HMCN1: variants seen among roughly 807,000 people sequenced by gnomAD.
The protein encoded by HMCN1 is hemicentin-1.
In HMCN1, 321 loss-of-function variants were observed where a neutral mutation model predicts 625.9. That is an observed-to-expected ratio of 0.51 (90% CI 0.47 to 0.56). The LOEUF (loss-of-function observed/expected upper bound fraction) is 0.56. HMCN1 is among the 20% of genes least tolerant of loss of function. The probability of loss-of-function intolerance (pLI) is 0.00; values close to 1 mark genes in which losing one functional copy is unlikely to be tolerated. For synonymous variants in HMCN1, 2,425 were observed against 2,417.6 expected (o/e 1.00, Z -0.09); for missense variants, 6,588 against 6,887.3 (o/e 0.96, Z 1.54).
intron 45 of HMCN1, 32 bp downstream of exon 45, chr1:186,055,706 A>T: frequency 6.2e-7 from 1 of 1,605,876 alleles, no homozygotes; most frequent in Admixed American, 1.7e-5. Flanking sequence ...ATGTCCATTC[A>T]CTGGCTAACG....
Position 185,922,453 on chromosome 1 carries a change from A to G in HMCN1, c.975A>G (p.Arg325=), listed in dbSNP as rs1319862202. ...TTGATTTCCGAGCTGGCTTTTCTCG[A>G]AAGCCCACCCTGGACTTCAAAAAAA... is the stretch of plus-strand genomic sequence containing the variant. ...STIDFRAGFS[R]KPTLDFKKTV... is the part of the protein sequence containing the mutation. Residue 325 remains arginine, a synonymous_variant, in exon 7 of 107, where the codon CGA becomes CGG. Coordinates refer to ENST00000271588, the MANE Select transcript of HMCN1 (RefSeq NM_031935.3). The G allele has an allele frequency of 6.2e-7, 1 of 1,613,928 alleles. No individual in the cohort carries two copies. The highest frequency in any genetic ancestry group is 1.3e-5 in the African/African-American group (1 of 75,018).
At chr1:185,918,507 G>T (rs1294305517) in intron 6 of HMCN1, among the ~76,000 whole-genome samples, 1 of 152,052 alleles carries the variant, frequency 6.6e-6, no homozygotes, top group East Asian at 1.9e-4. Flanking sequence ...AGTCTCCTTT[G>T]GCAACACCCT....
intron 48 of HMCN1, among the ~76,000 whole-genome samples, chr1:186,064,372 T>G (rs182488218): frequency 6.6e-6 from 1 of 152,124 alleles, no homozygotes; most frequent in African/African-American, 2.4e-5. Context: ...AATTAATATA[T>G]TTTTATCTCT....
intron 1 of HMCN1, among the ~76,000 whole-genome samples, chr1:185,741,921 GA>G (rs1654019590): frequency 1.3e-5 from 2 of 152,180 alleles, no homozygotes; most frequent in Admixed American, 1.3e-4. Context: ...GGCTAAAACT[GA>G]ACTTAGTTTT....
intron 1 of HMCN1, among the ~76,000 whole-genome samples, chr1:185,790,662 AG>A (rs1657925828): frequency 6.6e-6 from 1 of 152,204 alleles, no homozygotes; most frequent in African/African-American, 2.4e-5. Flanking sequence ...TTCCTTATGA[AG>A]GACTCTAAGC....
rs145591176 is a variant in HMCN1 at position 186,065,309 on chromosome 1, A to G, written c.7585A>G (p.Ile2529Val). 1.9e-6 allele frequency: 3 copies of G among 1,612,588 alleles called. No homozygotes were observed. The African/African-American group carries it at 4.0e-5, about 22-fold the overall frequency. ...PLQEDEAHHI[I>V]SGGRFLQITN... ...CCAAGAAGATGAAGCCCATCACATT[A>G]TATCTGGTGGCCGTTTTCTTCAAAT... The change falls in exon 49 of 107, where the codon ATA becomes GTA. Residue 2529 changes from isoleucine to valine, a missense_variant. Around this residue, in one of 3 missense-constraint regions of HMCN1, gnomAD observed 4,628 missense variants for 4,853.1 expected, o/e 0.95. Coordinates refer to ENST00000271588, the MANE Select transcript of HMCN1 (RefSeq NM_031935.3).
chr1:186,024,071 T>C (rs1350757997), intron 36 of HMCN1, among the ~76,000 whole-genome samples: 1 of 152,224 alleles, frequency 6.6e-6, no homozygotes, highest in Non-Finnish European at 1.5e-5. Flanking sequence ...GTTTCCAATA[T>C]ATCAATTTAT....
At chr1:185,819,442 A>T (rs1660052644) in intron 1 of HMCN1, among the ~76,000 whole-genome samples, 1 of 151,938 alleles carries the variant, frequency 6.6e-6, no homozygotes, top group Non-Finnish European at 1.5e-5. Flanking sequence ...CCTATTTATC[A>T]CTTTTTATTA....
rs959531357 is a variant in HMCN1 at position 186,128,176 on chromosome 1, T to C, written c.12789T>C (p.Thr4263=). ...CTGTGCATGTTCTCCCCACTTTTAC[T>C]GAACTTCCTGGAGACGTGTCATTAA... The part of the protein sequence containing the change: ...SLTVHVLPTF[T]ELPGDVSLNK... The change falls in exon 83 of 107, where the codon ACT becomes ACC. Residue 4263 remains threonine (T), a synonymous_variant. Transcript: ENST00000271588. The C allele has an allele frequency of 8.1e-6, 13 of 1,613,600 alleles. No individual in the cohort carries two copies. Among genetic ancestry groups the C allele is most frequent in the East Asian group, 2.2e-5 (1 of 44,870 alleles).
intron 80 of HMCN1, among the ~76,000 whole-genome samples, chr1:186,120,827 A>G (rs1182477469): frequency 6.6e-6 from 1 of 152,250 alleles, no homozygotes; most frequent in East Asian, 1.9e-4. Flanking sequence ...ATTGAACATT[A>G]CAGACATGAT....
chr1:186,068,891 A>G (rs1658309458), intron 50 of HMCN1, among the ~76,000 whole-genome samples: 1 of 139,704 alleles, frequency 7.2e-6, no homozygotes, highest in African/African-American at 2.7e-5. Context: ...AAAAAAAAAA[A>G]GACTTCAAAT....
intron 105 of HMCN1, among the ~76,000 whole-genome samples, chr1:186,186,460 G>A (rs1653310835): frequency 6.6e-6 from 1 of 152,174 alleles, no homozygotes; most frequent in Non-Finnish European, 1.5e-5. Context: ...CCAGGAGGCG[G>A]AGCTTGCAAT....
At chr1:185,927,873 T>C (rs1038900320) in intron 9 of HMCN1, among the ~76,000 whole-genome samples, 1 of 152,160 alleles carries the variant, frequency 6.6e-6, no homozygotes. Flanking sequence ...TAAATATCTA[T>C]TACTAAGATA....
chr1:186,007,497 A>T (rs1405210710), intron 30 of HMCN1, among the ~76,000 whole-genome samples: 1 of 152,174 alleles, frequency 6.6e-6, no homozygotes, highest in Admixed American at 6.5e-5. Flanking sequence ...TCTTCAAAAG[A>T]TCTAGTGATT....
chr1:186,065,341 T>C lies in HMCN1; in HGVS notation c.7617T>C (p.Asn2539=), dbSNP rs767702278. 107 of 1,612,316 alleles carry C rather than the reference T, an allele frequency of 6.6e-5. No individual in the cohort carries two copies. The highest frequency in any genetic ancestry group is 1.9e-4 in the Middle Eastern group (1 of 5,394). ...GTGGCCGTTTTCTTCAAATTACCAA[T>C]GTCCAGGTGCCACACACTGGAAGAT... ...ISGGRFLQIT[N]VQVPHTGRYT... Residue 2539 remains asparagine, a synonymous_variant, in exon 49 of 107, where the codon AAT becomes AAC. Coordinates refer to ENST00000271588, the MANE Select transcript of HMCN1 (RefSeq NM_031935.3).
At chr1:186,008,098 T>C (rs1439591315) in intron 30 of HMCN1, among the ~76,000 whole-genome samples, 2 of 152,176 alleles carry the variant, frequency 1.3e-5, no homozygotes, top group Non-Finnish European at 2.9e-5. Flanking sequence ...ATTTGATTGC[T>C]TAATTATAGG....
chr1:185,763,280 C>T (rs1042287640), intron 1 of HMCN1, among the ~76,000 whole-genome samples: 1 of 151,812 alleles, frequency 6.6e-6, no homozygotes, highest in African/African-American at 2.4e-5. Context: ...ACAAGGTGAA[C>T]TTAGAACAAG....
intron 1 of HMCN1, among the ~76,000 whole-genome samples, chr1:185,754,083 G>A (rs1027028108): frequency 6.6e-6 from 1 of 152,168 alleles, no homozygotes; most frequent in Non-Finnish European, 1.5e-5. Context: ...ATACTATTTG[G>A]CCTTAAAAAG....
chr1:185,872,110 T>A (rs1025714187), intron 4 of HMCN1, among the ~76,000 whole-genome samples: 2 of 152,236 alleles, frequency 1.3e-5, no homozygotes, highest in African/African-American at 4.8e-5. Flanking sequence ...TGTTTCCACT[T>A]ATCCCTTCTT....
Sources: gnomAD v4.1 joint callset for allele counts (sites outside exome capture counted in the v4.1 genomes callset) on GRCh38, gnomAD v4.1.1 for gene constraint, gnomAD v4.1.1 regional missense constraint, MANE v1.5 for transcripts, NCBI Gene and HGNC (gene_info 2026-07-23, HGNC 2026-07-21) for gene names.